Variants in CALML5 observed in about 807,000 individuals in gnomAD.
CALML5 encodes the protein calmodulin like 5, also known as calmodulin-like protein 5.
For missense variants in CALML5, 207 were observed against 206.6 expected, an observed-to-expected ratio of 1.00 and a Z score of -0.01; for synonymous variants, 101 against 96.8, an observed-to-expected ratio of 1.04 and a Z score of -0.25.
rs371825933 is a variant in CALML5, at chr10:5,499,444, C to A, written c.-6G>T. The A allele has an allele frequency of 2.5e-6, 4 of 1,608,124 alleles. No homozygotes were observed. Among genetic ancestry groups the A allele is most frequent in the African/African-American group, 1.3e-5 (1 of 74,754 alleles). On this transcript the variant is annotated 5_prime_UTR_variant, in exon 1 of 1. Transcript: ENST00000380332. ...GGAGTCAGCTCACCGGCCATGCCTG[C>A]GTCTCCTGCACCTCGCGGAGCCTCC...
Position 5,498,949 on chromosome 10 carries a change from G to T in CALML5, c.*49C>A. On this transcript the variant is annotated 3_prime_UTR_variant, in exon 1 of 1. Coordinates refer to ENST00000380332, the MANE Select transcript of CALML5 (RefSeq NM_017422.5). ...CCCAGCACAAAAGCAGCAGCGGGCGGTGGCCCTGAAGGCTCAGAGCGCAGC... is the reference window on the plus strand; with the variant it reads ...CCCAGCACAAAAGCAGCAGCGGGCGTTGGCCCTGAAGGCTCAGAGCGCAGC... 1 of 1,387,854 alleles carries T rather than the reference G, an allele frequency of 7.2e-7. No individual in the cohort carries two copies. The highest frequency in any genetic ancestry group is 9.6e-7 in the Non-Finnish European group (1 of 1,039,918). The allele number at this position is 1,387,854 out of a possible 1,614,324, so 86.0% of individuals were successfully genotyped here. A position where few individuals can be genotyped will look rare whatever the true frequency, so the allele number is the denominator to read the frequency against.
Position 5,498,742 on chromosome 10 carries a change from C to T in CALML5, c.*256G>A, listed in dbSNP as rs1442449030. 3.6e-6 allele frequency: 2 copies of T among 551,430 alleles called. No homozygotes were observed. Among genetic ancestry groups the T allele is most frequent in the South Asian group, 2.5e-5 (1 of 39,466 alleles). 34.2% of individuals were successfully genotyped at this position (551,430 alleles called of 1,614,324 possible). A position where few individuals can be genotyped will look rare whatever the true frequency, so the allele number is the denominator to read the frequency against. On this transcript the variant is annotated 3_prime_UTR_variant, in exon 1 of 1. Coordinates refer to ENST00000380332, the MANE Select transcript of CALML5 (RefSeq NM_017422.5). ...TTTAGATCAATGCGGGGCTGAGGGG[C>T]CCTCATTCCACTGCAGGGCAAAGGG...
rs771558621 is a variant in CALML5 at position 5,499,310 on chromosome 10, G to C, written c.129C>G (p.Asn43Lys). 1 of 1,614,148 alleles carries C rather than the reference G, an allele frequency of 6.2e-7. No individual in the cohort carries two copies. Among genetic ancestry groups the C allele is most frequent in the Non-Finnish European group, 8.5e-7 (1 of 1,179,994 alleles). Residue 43 changes from asparagine (N) to lysine (K), a missense_variant, in exon 1 of 1, where the codon AAC becomes AAG. Asn to Lys is a moderately conservative substitution (Grantham distance 94). Transcript: ENST00000380332. ...GTTTCCTTAGCTGGGCCTCCGAGAG[G>C]TTCTTGCCCGTGGCCTTCAGCGCCG... ...LGAALKATGK[N>K]LSEAQLRKLI...
At position 5,498,834 on chromosome 10, in the gene CALML5, C is replaced by T; in HGVS notation, c.*164G>A. The T allele has an allele frequency of 3.1e-6, 2 of 652,032 alleles. No homozygotes were observed. Among genetic ancestry groups the T allele is most frequent in the South Asian group, 2.0e-5 (1 of 50,136 alleles). The allele number at this position is 652,032 out of a possible 1,614,324, so 40.4% of individuals were successfully genotyped here. ...GGCAGAGAGGGGCTCGCAGGCGGCC[C>T]GAGGGCGCCGCATCCAGGCCCCGGA... On this transcript the variant is annotated 3_prime_UTR_variant, in exon 1 of 1. Transcript: ENST00000380332.
In CALML5 at chr10:5,499,173, G is replaced by C; in HGVS notation, c.266C>G (p.Ala89Gly). Reference sequence around the variant, plus strand: ...GTGGCCGTCGCCATCCTGGTCGAAGGCGCGGAAGGCGACCTGCAGGTCCTC... The same window carrying C: ...GTGGCCGTCGCCATCCTGGTCGAAGCCGCGGAAGGCGACCTGCAGGTCCTC... ...GLEDLQVAFR[A>G]FDQDGDGHIT... Residue 89 changes from alanine (A) to glycine (G), a missense_variant, in exon 1 of 1, where the codon GCC becomes GGC. Transcript: ENST00000380332. 1 of 1,609,368 alleles carries C rather than the reference G, an allele frequency of 6.2e-7. No individual in the cohort carries two copies. The highest frequency in any genetic ancestry group is 8.5e-7 in the Non-Finnish European group (1 of 1,179,858).
Position 5,498,884 on chromosome 10 carries a change from A to G in CALML5, c.*114T>C. The G allele has an allele frequency of 5.4e-6, 5 of 919,548 alleles. No homozygotes were observed. Among genetic ancestry groups the G allele is most frequent in the Non-Finnish European group, 7.9e-6 (5 of 631,686 alleles). The allele number at this position is 919,548 out of a possible 1,614,324, so 57.0% of individuals were successfully genotyped here. On this transcript the variant is annotated 3_prime_UTR_variant, in exon 1 of 1. Coordinates refer to ENST00000380332, the MANE Select transcript of CALML5 (RefSeq NM_017422.5). ...AGCGCAAAGCCTTCCTCCCAGGGGG[A>G]GGCAGTTTCCCATCCACCGACCAGG...
rs1452874333 is a variant in CALML5, at chr10:5,498,729, C to A, written c.*269G>T. On this transcript the variant is annotated 3_prime_UTR_variant, in exon 1 of 1. Coordinates refer to ENST00000380332, the MANE Select transcript of CALML5 (RefSeq NM_017422.5). ...CGGCAGTCCTTTATTTAGATCAATG[C>A]GGGGCTGAGGGGCCCTCATTCCACT... The A allele has an allele frequency of 9.3e-6, 5 of 536,632 alleles. No individual in the cohort carries two copies. Among genetic ancestry groups the A allele is most frequent in the South Asian group, 2.7e-5 (1 of 37,360 alleles). 33.2% of individuals were successfully genotyped at this position (536,632 alleles called of 1,614,324 possible).
In CALML5 at chr10:5,498,816, A is replaced by C; in HGVS notation, c.*182T>G. 3.3e-6 allele frequency: 2 copies of C among 602,510 alleles called. No homozygotes were observed. The highest frequency in any genetic ancestry group is 5.8e-6 in the Non-Finnish European group (2 of 345,256). 37.3% of individuals were successfully genotyped at this position (602,510 alleles called of 1,614,324 possible). A position where few individuals can be genotyped will look rare whatever the true frequency, so the allele number is the denominator to read the frequency against. ...TTCTGCCCAAGGTCTGGAGGCAGAG[A>C]GGGGCTCGCAGGCGGCCCGAGGGCG... On this transcript the variant is annotated 3_prime_UTR_variant, in exon 1 of 1. Transcript: ENST00000380332.
In CALML5 at chr10:5,499,305, G is replaced by A. The variant is rs112999192; in HGVS notation, c.134C>T (p.Ser45Leu). The A allele has an allele frequency of 3.7e-6, 6 of 1,614,122 alleles. 1 individual carries two copies. The highest frequency in any genetic ancestry group is 3.3e-5 in the South Asian group (3 of 91,092). ...AALKATGKNL[S>L]EAQLRKLISE... ...GATGAGTTTCCTTAGCTGGGCCTCC[G>A]AGAGGTTCTTGCCCGTGGCCTTCAG... is the stretch of plus-strand genomic sequence containing the variant. The change falls in exon 1 of 1, where the codon TCG becomes TTG. Residue 45 changes from serine (S) to leucine (L), a missense_variant. Physicochemically the swap from Ser to Leu is moderately radical, Grantham distance 145. Transcript: ENST00000380332.
At position 5,499,223 on chromosome 10, in the gene CALML5, C is replaced by T. The variant is rs1184192900; in HGVS notation, c.216G>A (p.Ala72=). 2.5e-6 allele frequency: 4 copies of T among 1,613,164 alleles called. No individual in the cohort carries two copies. Among genetic ancestry groups the T allele is most frequent in the African/African-American group, 1.3e-5 (1 of 75,064 alleles). The change falls in exon 1 of 1, where the codon GCG becomes GCA. Residue 72 remains alanine (A), a synonymous_variant. Coordinates refer to ENST00000380332, the MANE Select transcript of CALML5 (RefSeq NM_017422.5). The part of the protein sequence containing the change: ...GEISFQEFLT[A]AKKARAGLED... ...CCAGGCCGGCCCTGGCCTTCTTCGC[C>T]GCCGTCAGGAACTCCTGGAAGCTGA... is the stretch of plus-strand genomic sequence containing the variant.
Position 5,499,020 on chromosome 10 carries a change from G to C in CALML5, c.419C>G (p.Ala140Gly). Reference protein sequence around the residue: ...QDGRVNYEEFARMLAQE With the variant: ...QDGRVNYEEFGRMLAQE ...GCCTCACTCCTGGGCGAGCATCCTC[G>C]CGAACTCCTCGTAGTTCACCCGCCC... Residue 140 changes from alanine (A) to glycine (G), a missense_variant, in exon 1 of 1, where the codon GCG becomes GGG. Physicochemically the swap from Ala to Gly is moderately conservative, Grantham distance 60. Transcript: ENST00000380332. 1 of 1,571,272 alleles carries C rather than the reference G, an allele frequency of 6.4e-7. No individual in the cohort carries two copies. Among genetic ancestry groups the C allele is most frequent in the East Asian group, 2.3e-5 (1 of 43,746 alleles).
rs1366988752 is a variant in CALML5 at position 5,499,052 on chromosome 10, G to A, written c.387C>T (p.Asp129=). ...CCTCGTAGTTCACCCGCCCGTCCTG[G>A]TCCACGTCGGCCTCGCGGATCATGG... ...LDAMIREADV[D]QDGRVNYEEF... The change falls in exon 1 of 1, where the codon GAC becomes GAT. Residue 129 remains aspartate (D), a synonymous_variant. Coordinates refer to ENST00000380332, the MANE Select transcript of CALML5 (RefSeq NM_017422.5). 3 of 1,596,202 alleles carry A rather than the reference G, an allele frequency of 1.9e-6. No homozygotes were observed. The highest frequency in any genetic ancestry group is 3.4e-5 in the Admixed American group (2 of 58,938).
Position 5,499,454 on chromosome 10 carries a change from A to G in CALML5, c.-16T>C, listed in dbSNP as rs1173402702. 6.2e-7 allele frequency: 1 copy of G among 1,601,862 alleles called. No homozygotes were observed. Among genetic ancestry groups the G allele is most frequent in the Admixed American group, 1.7e-5 (1 of 59,266 alleles). On this transcript the variant is annotated 5_prime_UTR_variant, in exon 1 of 1. Transcript: ENST00000380332. ...CACCGGCCATGCCTGCGTCTCCTGC[A>G]CCTCGCGGAGCCTCCGAGCTGCTGC... is the stretch of plus-strand genomic sequence containing the variant.
In CALML5 at chr10:5,499,363, C is replaced by A. The variant is rs61164868; in HGVS notation, c.76G>T (p.Gly26Cys). The A allele has an allele frequency of 6.2e-7, 1 of 1,614,188 alleles. No homozygotes were observed. Among genetic ancestry groups the A allele is most frequent in the East Asian group, 2.2e-5 (1 of 44,888 alleles). The part of the protein sequence containing the change: ...AFSAVDTDGN[G>C]TINAQELGAA... ...CCCAGCTCCTGGGCATTGATGGTGC[C>A]GTTTCCATCCGTGTCAACCGCGGAG... The change falls in exon 1 of 1, where the codon GGC becomes TGC. Residue 26 changes from glycine (G) to cysteine (C), a missense_variant. Coordinates refer to ENST00000380332, the MANE Select transcript of CALML5 (RefSeq NM_017422.5).
rs746579866 is a variant in CALML5 at position 5,499,319 on chromosome 10, C to T, written c.120G>A (p.Thr40=). 1.4e-5 allele frequency: 22 copies of T among 1,614,064 alleles called. No homozygotes were observed. The African/African-American group carries it at 1.7e-4, about 13-fold the overall frequency. ...AQELGAALKA[T]GKNLSEAQLR... ...GCTGGGCCTCCGAGAGGTTCTTGCC[C>T]GTGGCCTTCAGCGCCGCGCCCAGCT... The change falls in exon 1 of 1, where the codon ACG becomes ACA. Residue 40 remains threonine (T), a synonymous_variant. Coordinates refer to ENST00000380332, the MANE Select transcript of CALML5 (RefSeq NM_017422.5).
At position 5,499,503 on chromosome 10, in the gene CALML5, C is replaced by T; in HGVS notation, c.-65G>A. On this transcript the variant is annotated 5_prime_UTR_variant, in exon 1 of 1. Transcript: ENST00000380332. ...GCCCACCGGCCCTCAACCTGCTGCT[C>T]TCAGAGCTCGTGGTCCAGAGTGCAG... 1.4e-6 allele frequency: 2 copies of T among 1,433,958 alleles called. No individual in the cohort carries two copies. The highest frequency in any genetic ancestry group is 2.3e-5 in the East Asian group (1 of 43,702). The allele number at this position is 1,433,958 out of a possible 1,614,324, so 88.8% of individuals were successfully genotyped here.
At position 5,498,953 on chromosome 10, in the gene CALML5, C is replaced by A. The variant is rs780474821; in HGVS notation, c.*45G>T. 2 of 1,416,302 alleles carry A rather than the reference C, an allele frequency of 1.4e-6. No individual in the cohort carries two copies. The highest frequency in any genetic ancestry group is 1.4e-5 in the South Asian group (1 of 70,956). 87.7% of individuals were successfully genotyped at this position (1,416,302 alleles called of 1,614,324 possible). On this transcript the variant is annotated 3_prime_UTR_variant, in exon 1 of 1. Transcript: ENST00000380332. ...GCACAAAAGCAGCAGCGGGCGGTGG[C>A]CCTGAAGGCTCAGAGCGCAGCCAGG...
chr10:5,499,006 G>T lies in CALML5; in HGVS notation c.433C>A (p.Gln145Lys). Residue 145 changes from glutamine to lysine, a missense_variant, in exon 1 of 1, where the codon CAG becomes AAG. Gln to Lys is a moderately conservative substitution (Grantham distance 53). Transcript: ENST00000380332. ...GACACAGGCGGGGAGCCTCACTCCT[G>T]GGCGAGCATCCTCGCGAACTCCTCG... ...NYEEFARMLA[Q>K]E 1 of 1,549,312 alleles carries T rather than the reference G, an allele frequency of 6.5e-7. No homozygotes were observed. The highest frequency in any genetic ancestry group is 2.3e-5 in the East Asian group (1 of 43,332).
chr10:5,498,857 G>A lies in CALML5; in HGVS notation c.*141C>T, dbSNP rs912648308. 14 of 757,620 alleles carry A rather than the reference G, an allele frequency of 1.8e-5. No individual in the cohort carries two copies. The East Asian group carries it at 1.9e-4, about 11-fold the overall frequency. The allele number at this position is 757,620 out of a possible 1,614,324, so 46.9% of individuals were successfully genotyped here. A position where few individuals can be genotyped will look rare whatever the true frequency, so the allele number is the denominator to read the frequency against. Reference sequence around the variant, plus strand: ...CCCGAGGGCGCCGCATCCAGGCCCCGGAGCGCAAAGCCTTCCTCCCAGGGG... The same window carrying A: ...CCCGAGGGCGCCGCATCCAGGCCCCAGAGCGCAAAGCCTTCCTCCCAGGGG... On this transcript the variant is annotated 3_prime_UTR_variant, in exon 1 of 1. Transcript: ENST00000380332.
Sources: gnomAD v4.1 joint callset for allele counts on GRCh38, gnomAD v4.1.1 for gene constraint, MANE v1.5 for transcripts, NCBI Gene and HGNC (gene_info 2026-07-23, HGNC 2026-07-21) for gene names.